PBRM1: variants seen among roughly 807,000 people sequenced by gnomAD.
PBRM1 encodes the protein polybromo 1.
Under a neutral mutation model 194.5 loss-of-function variants are expected in PBRM1, and 27 were observed. The ratio of observed to expected loss-of-function variants is 0.14; its 90% CI spans 0.10 to 0.19. The LOEUF (loss-of-function observed/expected upper bound fraction) is 0.19, where lower values mean the gene tolerates loss of function less well. PBRM1 is among the 10% of genes least tolerant of loss of function. The pLI, the probability that PBRM1 is intolerant of heterozygous loss-of-function variation, is 1.00. For synonymous variants in PBRM1, 655 were observed against 693.2 expected (o/e 0.94, Z 0.87); for missense variants, 1,466 against 2,077.2 (o/e 0.71, Z 5.72).
chr3:52,557,621 C>CTT (rs71084189), intron 26 of PBRM1, among the ~76,000 whole-genome samples: 2 of 149,790 alleles, frequency 1.3e-5, no homozygotes. Context: ...TTTTCTTTTT[C>CTT]TTTTTTTTTT....
chr3:52,680,116 A>AGAGGACTCCAGAGGACTCCTCTGTCCAG, upstream of PBRM1, among the ~76,000 whole-genome samples: 1 of 152,200 alleles, frequency 6.6e-6, no homozygotes, highest in African/African-American at 2.4e-5. Context: ...CAGAGGCCCC[A>AGAGGACTCCAGAGGACTCCTCTGTCCAG]AGGTATCCAC....
At chr3:52,594,593 T>C (rs2153837277) in intron 17 of PBRM1, among the ~76,000 whole-genome samples, 1 of 152,340 alleles carries the variant, frequency 6.6e-6, no homozygotes, top group South Asian at 2.1e-4. Flanking sequence ...ACATTCAAGG[T>C]CAGTATTGAT....
chr3:52,658,411 A>AT, intron 4 of PBRM1, 96 bp from the exon 6 acceptor site: 1 of 612,036 alleles, frequency 1.6e-6, no homozygotes, highest in South Asian at 2.0e-5. Flanking sequence ...CAAAACAGCA[A>AT]CTTTTTTTTT....
Position 52,548,193 on chromosome 3 carries a change from C to T in PBRM1, c.4940G>A (p.Arg1647His), listed in dbSNP as rs376146705. The T allele has an allele frequency of 2.7e-5, 43 of 1,606,554 alleles. No individual in the cohort carries two copies. The Admixed American group carries it at 4.5e-4, about 17-fold the overall frequency. Residue 1647 changes from arginine to histidine, a missense_variant, in exon 30 of 30, where the codon CGC becomes CAC. By Grantham distance (29) the Arg-to-His change is conservative. Around this residue, in one of 5 missense-constraint regions of PBRM1, gnomAD observed 244 missense variants for 324.6 expected, o/e 0.75. Coordinates refer to ENST00000296302, the Ensembl canonical transcript of PBRM1. ...GCTTTTCAGCCAGTGAGAGGGTAGG[C>T]GGCTCTCCTGTTCTTTCGACAAATG...
At chr3:52,685,193 A>G (rs2097291335) in intron 1 of PBRM1, among the ~76,000 whole-genome samples, 1 of 152,102 alleles carries the variant, frequency 6.6e-6, no homozygotes, top group Non-Finnish European at 1.5e-5. Context: ...ATTAAAACTT[A>G]TTATAATAAC....
chr3:52,630,978 G>A (rs1458616771), intron 11 of PBRM1, among the ~76,000 whole-genome samples: 4 of 152,060 alleles, frequency 2.6e-5, no homozygotes, highest in East Asian at 1.9e-4. Flanking sequence ...TTTTGGACAG[G>A]GAACTTCTTA....
chr3:52,617,177 A>C, intron 14 of PBRM1, 85 bp downstream of exon 16: 2 of 1,055,038 alleles, frequency 1.9e-6, no homozygotes, highest in Non-Finnish European at 2.7e-6. Flanking sequence ...TTAAGCCTCT[A>C]GAGCTGGTCT....
At chr3:52,681,671 G>A, upstream of PBRM1, 1 of 990,128 alleles carries the variant, frequency 1.0e-6, no homozygotes, top group East Asian at 7.1e-5. Context: ...AAAAGGGAAA[G>A]GGTGTAGATA....
intron 20 of PBRM1, among the ~76,000 whole-genome samples, chr3:52,583,132 G>T (rs1185265746): frequency 2.0e-5 from 3 of 149,076 alleles, no homozygotes; most frequent in Non-Finnish European, 4.5e-5. Flanking sequence ...TAATAGGGGC[G>T]GGGGCGGTGG....
chr3:52,644,147 T>G (rs938628641), intron 8 of PBRM1, among the ~76,000 whole-genome samples: 3 of 151,824 alleles, frequency 2.0e-5, no homozygotes, highest in African/African-American at 7.3e-5. Flanking sequence ...TATATATGTA[T>G]ATTCATATTT....
At chr3:52,550,399 G>C (rs754074632) in intron 29 of PBRM1, 22 bp downstream of exon 31, 1 of 1,293,852 alleles carries the variant, frequency 7.7e-7, no homozygotes, top group Non-Finnish European at 1.0e-6. Flanking sequence ...TTTCACAAAG[G>C]CTTATTTAGA....
At chr3:52,599,541 G>A (rs1162323878) in intron 17 of PBRM1, among the ~76,000 whole-genome samples, 1 of 151,844 alleles carries the variant, frequency 6.6e-6, no homozygotes, top group Non-Finnish European at 1.5e-5. Context: ...GCCAGGCGTG[G>A]TGGCTCATGC....
At chr3:52,684,118 T>A (rs2097265121), upstream of PBRM1, among the ~76,000 whole-genome samples, 1 of 134,138 alleles carries the variant, frequency 7.5e-6, no homozygotes, top group Non-Finnish European at 1.5e-5. Context: ...CAGTGAGCCA[T>A]GATCACTTTA....
chr3:52,573,125 G>T (rs745879538), intron 22 of PBRM1, among the ~76,000 whole-genome samples: 12 of 152,130 alleles, frequency 7.9e-5, no homozygotes, highest in Non-Finnish European at 1.8e-4. Flanking sequence ...AACTAAAGAA[G>T]AATTAGGAAA....
At chr3:52,652,960 T>G (rs1445724685) in intron 5 of PBRM1, among the ~76,000 whole-genome samples, 1 of 152,090 alleles carries the variant, frequency 6.6e-6, no homozygotes, top group Non-Finnish European at 1.5e-5. Flanking sequence ...ATCACGCCAT[T>G]GTACTCCAGC....
intron 22 of PBRM1, among the ~76,000 whole-genome samples, chr3:52,573,742 T>C (rs1458664084): frequency 1.3e-5 from 2 of 152,190 alleles, no homozygotes; most frequent in Admixed American, 6.5e-5. Context: ...TTCTGTAAGA[T>C]AGTCAAAGGT....
chr3:52,599,991 G>A (rs938588184), intron 17 of PBRM1, among the ~76,000 whole-genome samples: 6 of 152,056 alleles, frequency 3.9e-5, no homozygotes, highest in East Asian at 1.9e-4. Flanking sequence ...TGTAAAGTGT[G>A]CATTTCAGTG....
At chr3:52,563,214 CTTTGGT>C in intron 24 of PBRM1, 63 bp downstream of exon 26, 1 of 1,177,842 alleles carries the variant, frequency 8.5e-7, no homozygotes, top group Non-Finnish European at 1.2e-6. Flanking sequence ...TGTCACTTTA[CTTTGGT>C]TTTGAGTCTG....
chr3:52,581,925 C>A (rs909948227), intron 20 of PBRM1, among the ~76,000 whole-genome samples: 4 of 152,246 alleles, frequency 2.6e-5, no homozygotes, highest in Middle Eastern at 3.4e-3. Flanking sequence ...CATGAGCCAC[C>A]GAGCACGGCC....
Sources: gnomAD v4.1 joint callset for allele counts (sites outside exome capture counted in the v4.1 genomes callset) on GRCh38, gnomAD v4.1.1 for gene constraint, gnomAD v4.1.1 regional missense constraint, MANE v1.5 for transcripts, NCBI Gene and HGNC (gene_info 2026-07-23, HGNC 2026-07-21) for gene names.